The following GAB2 variants were observed in gnomAD, a reference collection of about 807,000 sequenced individuals.
GAB2 encodes the protein GRB2-associated-binding protein 2.
Under a neutral mutation model 65.5 loss-of-function variants are expected in GAB2, and 26 were observed. That is an observed-to-expected ratio of 0.40 (90% confidence interval 0.29 to 0.55). GAB2 has a LOEUF of 0.55. GAB2 is among the 20% of genes least tolerant of loss of function. GAB2 has a pLI of 0.53. For synonymous variants in GAB2, 321 were observed against 329.6 expected, an observed-to-expected ratio of 0.97 and a Z score of 0.28; for missense variants, 884 against 875.8, an observed-to-expected ratio of 1.01 and a Z score of -0.12.
chr11:78,341,229 A>T (rs1201161774), intron 1 of GAB2, among the ~76,000 whole-genome samples: 1 of 152,216 alleles, frequency 6.6e-6, no homozygotes, highest in Non-Finnish European at 1.5e-5. Context: ...TTCATTCAAC[A>T]TTTATTGAAT....
intron 1 of GAB2, among the ~76,000 whole-genome samples, chr11:78,332,248 T>C (rs1591045108): frequency 6.6e-6 from 1 of 152,250 alleles, no homozygotes; most frequent in East Asian, 1.9e-4. Flanking sequence ...GGACTAAAAA[T>C]ACACAGGCTA....
At chr11:78,266,667 C>T (rs1296183063) in intron 2 of GAB2, among the ~76,000 whole-genome samples, 1 of 152,180 alleles carries the variant, frequency 6.6e-6, no homozygotes, top group African/African-American at 2.4e-5. Context: ...GCAGGTAAAT[C>T]TTGCTGAAAA....
At position 78,250,256 on chromosome 11, in the gene GAB2, G is replaced by T; in HGVS notation, c.521C>A (p.Pro174His). 2 of 1,613,444 alleles carry T rather than the reference G, an allele frequency of 1.2e-6. No homozygotes were observed. Among genetic ancestry groups the T allele is most frequent in the Non-Finnish European group, 1.7e-6 (2 of 1,179,928 alleles). The change falls in exon 3 of 10, where the codon CCC becomes CAC. Residue 174 changes from proline (P) to histidine (H), a missense_variant. Physicochemically the swap from Pro to His is moderately conservative, Grantham distance 77. Transcript: ENST00000361507. ...SSQPTLFTFE[P>H]PVSNHMQPTL... ...GGGCTGCATGTGGTTTGACACAGGG[G>T]GTTCAAACGTGAACAGAGTTGGCTG... is the stretch of plus-strand genomic sequence containing the variant.
At chr11:78,370,308 T>G (rs1309398885) in intron 1 of GAB2, among the ~76,000 whole-genome samples, 2 of 149,452 alleles carry the variant, frequency 1.3e-5, no homozygotes, top group Non-Finnish European at 3.0e-5. Context: ...TATATGCAAA[T>G]ACGGAACTAC....
intron 1 of GAB2, among the ~76,000 whole-genome samples, chr11:78,342,448 C>T (rs370089548): frequency 4.0e-5 from 5 of 124,816 alleles, no homozygotes; most frequent in Admixed American, 2.1e-4. Context: ...CTCGCTTTGT[C>T]GCCCAGGCTG....
intron 1 of GAB2, among the ~76,000 whole-genome samples, chr11:78,372,789 G>GGGTCTCTCATATAATA (rs1484592452): frequency 1.3e-5 from 2 of 152,124 alleles, no homozygotes; most frequent in African/African-American, 4.8e-5. Context: ...ATATAATATA[G>GGGTCTCTCATATAATA]TTGCTCAAGG....
chr11:78,246,443 A>G (rs1865299943), intron 3 of GAB2, among the ~76,000 whole-genome samples: 1 of 152,124 alleles, frequency 6.6e-6, no homozygotes, highest in Non-Finnish European at 1.5e-5. Context: ...GAATGCTGTG[A>G]ACATGATGTT....
chr11:78,273,860 C>T (rs1046919232), intron 2 of GAB2, among the ~76,000 whole-genome samples: 7 of 152,090 alleles, frequency 4.6e-5, no homozygotes, highest in African/African-American at 9.7e-5. Context: ...TGATACCTGA[C>T]GGTTTTAAAA....
At chr11:78,243,154 ACT>A (rs1382628450) in intron 3 of GAB2, among the ~76,000 whole-genome samples, 1 of 144,018 alleles carries the variant, frequency 6.9e-6, no homozygotes, top group Non-Finnish European at 1.5e-5. Flanking sequence ...ACAGAGTGAG[ACT>A]CTGTCTAGAA....
chr11:78,251,738 ACTTG>A (rs1342321588), intron 2 of GAB2, among the ~76,000 whole-genome samples: 1 of 146,888 alleles, frequency 6.8e-6, no homozygotes, highest in Admixed American at 7.0e-5. Context: ...ATCTTCCTGG[ACTTG>A]CTTCTTCTTC....
intron 1 of GAB2, among the ~76,000 whole-genome samples, chr11:78,395,364 G>C (rs1168498814): frequency 6.6e-6 from 1 of 152,240 alleles, no homozygotes; most frequent in Non-Finnish European, 1.5e-5. Flanking sequence ...TGAGGCAGGG[G>C]AATCACTTGA....
chr11:78,245,443 A>C (rs1865269303), intron 3 of GAB2, among the ~76,000 whole-genome samples: 1 of 152,226 alleles, frequency 6.6e-6, no homozygotes, highest in South Asian at 2.1e-4. Context: ...TTAAATGCTG[A>C]AAGAAAACAG....
chr11:78,286,795 A>T (rs1035042601), intron 1 of GAB2, among the ~76,000 whole-genome samples: 29 of 152,262 alleles, frequency 1.9e-4, no homozygotes, highest in African/African-American at 7.0e-4. Flanking sequence ...ATAAATATTT[A>T]TAAGGGGGGT....
intron 1 of GAB2, among the ~76,000 whole-genome samples, chr11:78,352,170 G>A (rs1332615532): frequency 2.6e-5 from 4 of 152,164 alleles, no homozygotes; most frequent in Non-Finnish European, 4.4e-5. Flanking sequence ...CCGAGATGGC[G>A]CCATTGCACT....
intron 1 of GAB2, among the ~76,000 whole-genome samples, chr11:78,309,238 A>G (rs1304348014): frequency 1.3e-5 from 2 of 152,150 alleles, no homozygotes; most frequent in Non-Finnish European, 2.9e-5. Flanking sequence ...AAATTGAGAT[A>G]TGATTCACAT....
At chr11:78,308,651 A>C (rs1344231046) in intron 1 of GAB2, among the ~76,000 whole-genome samples, 1 of 152,250 alleles carries the variant, frequency 6.6e-6, no homozygotes. Context: ...AAAAGTTCAA[A>C]AATAAACAGA....
At chr11:78,358,167 C>T (rs1406251437) in intron 1 of GAB2, among the ~76,000 whole-genome samples, 1 of 151,638 alleles carries the variant, frequency 6.6e-6, no homozygotes. Flanking sequence ...AAGCTGGAAA[C>T]CATCATTCTC....
At chr11:78,339,205 C>T (rs552000225) in intron 1 of GAB2, among the ~76,000 whole-genome samples, 2 of 152,158 alleles carry the variant, frequency 1.3e-5, no homozygotes, top group African/African-American at 2.4e-5. Context: ...AGATTACAGG[C>T]ATGAGCCACT....
intron 3 of GAB2, among the ~76,000 whole-genome samples, chr11:78,235,915 C>T (rs926564449): frequency 2.0e-5 from 3 of 152,196 alleles, no homozygotes; most frequent in African/African-American, 4.8e-5. Context: ...ATCTTTTCAG[C>T]AACGCCCCAC....
Sources: allele counts gnomAD v4.1 joint callset (sites outside exome capture counted in the v4.1 genomes callset), GRCh38; gene constraint gnomAD v4.1.1; transcripts MANE v1.5; gene names NCBI Gene and HGNC (gene_info 2026-07-23, HGNC 2026-07-21).